Variants in ZNF541 observed in about 807,000 individuals in gnomAD.
ZNF541 encodes zinc finger protein 541.
ZNF541 carries 23 observed loss-of-function variants against 123.5 expected under a neutral mutation model. The observed-to-expected ratio is 0.19, with a 90% confidence interval of 0.13 to 0.26. The LOEUF is 0.26. Ranked by LOEUF, ZNF541 falls within the 10% of genes least tolerant of loss-of-function variation. The pLI, the probability that ZNF541 is intolerant of heterozygous loss-of-function variation, is 1.00. For synonymous variants in ZNF541, 751 were observed against 754.5 expected (o/e 1.00, Z 0.08); for missense variants, 1,612 against 1,789.9 (o/e 0.90, Z 1.79).
intron 12 of ZNF541, among the ~76,000 whole-genome samples, chr19:47,530,834 A>G (rs995953269): frequency 6.6e-6 from 1 of 151,768 alleles, no homozygotes; most frequent in Non-Finnish European, 1.5e-5. Flanking sequence ...TATTTTTAGT[A>G]GAGATGGGGT....
chr19:47,553,562 C>T (rs1392953943), intron 3 of ZNF541, among the ~76,000 whole-genome samples: 2 of 152,126 alleles, frequency 1.3e-5, no homozygotes, highest in Non-Finnish European at 2.9e-5. Flanking sequence ...GCACGTACCA[C>T]CACACCCAGA....
chr19:47,545,986 G>A lies in ZNF541; in HGVS notation c.549-6C>T. On this transcript the variant is annotated splice_region_variant and splice_polypyrimidine_tract_variant and intron_variant, in intron 4 of 16. Transcript: ENST00000391901. This position sits in a 1 kb window ranked among gnomAD's most constrained non-coding sequence, Gnocchi z 7.5. ...GGGTGAGCATGTGCCCGGTCCTGGA[G>A]CCAGACACAAGCAGGGGCGTCACCG... The A allele has an allele frequency of 3.4e-6, 5 of 1,459,220 alleles. No homozygotes were observed. Among genetic ancestry groups the A allele is most frequent in the Non-Finnish European group, 4.6e-6 (5 of 1,098,692 alleles). The allele number at this position is 1,459,220 out of a possible 1,614,324, so 90.4% of individuals were successfully genotyped here.
At chr19:47,540,550 G>A (rs1209032767) in intron 6 of ZNF541, among the ~76,000 whole-genome samples, 5 of 151,052 alleles carry the variant, frequency 3.3e-5, no homozygotes, top group Admixed American at 6.6e-5. Flanking sequence ...AGTGATTTTC[G>A]TGCCTCAGCC....
chr19:47,559,695 TAA>T (rs1970981943), intron 2 of ZNF541, among the ~76,000 whole-genome samples: 1 of 151,742 alleles, frequency 6.6e-6, no homozygotes, highest in African/African-American at 2.4e-5. Flanking sequence ...ACTGAAAATA[TAA>T]AAGTTAGCTG....
chr19:47,562,950 G>A (rs970972140), intron 2 of ZNF541, among the ~76,000 whole-genome samples: 1 of 152,202 alleles, frequency 6.6e-6, no homozygotes. Context: ...AGATGTTAAA[G>A]AAATGCTTCA....
chr19:47,531,584 A>G, intron 12 of ZNF541, 58 bp downstream of exon 12: 7 of 1,352,378 alleles, frequency 5.2e-6, no homozygotes, highest in Middle Eastern at 2.5e-4. Context: ...AGCACGTCAC[A>G]TGCACCTAGA....
intron 2 of ZNF541, among the ~76,000 whole-genome samples, chr19:47,556,891 G>A (rs1568515394): frequency 6.6e-6 from 1 of 151,252 alleles, no homozygotes; most frequent in Non-Finnish European, 1.5e-5. Flanking sequence ...CCAAGTAGCT[G>A]GGACTACAGG....
intron 5 of ZNF541, among the ~76,000 whole-genome samples, chr19:47,541,387 A>T (rs1204779496): frequency 1.3e-5 from 2 of 152,192 alleles, no homozygotes; most frequent in Admixed American, 6.6e-5. Flanking sequence ...ACTTCACTCC[A>T]GCCTGAGTGA....
At chr19:47,533,570 G>A (rs1268523103) in intron 9 of ZNF541, among the ~76,000 whole-genome samples, 1 of 150,794 alleles carries the variant, frequency 6.6e-6, no homozygotes, top group African/African-American at 2.4e-5. Flanking sequence ...AGGCCGGGTG[G>A]GGTGGCTCAC....
chr19:47,529,744 G>A, intron 12 of ZNF541, 92 bp from the exon 13 acceptor site: 2 of 1,238,950 alleles, frequency 1.6e-6, no homozygotes, highest in Non-Finnish European at 2.3e-6. Flanking sequence ...ACTTGCGGCT[G>A]TCCCTGAAGA....
intron 2 of ZNF541, among the ~76,000 whole-genome samples, chr19:47,561,552 T>C (rs1400585121): frequency 6.6e-6 from 1 of 152,132 alleles, no homozygotes; most frequent in Non-Finnish European, 1.5e-5. Context: ...GGCACATGTT[T>C]GGAAAGGACC....
intron 5 of ZNF541, among the ~76,000 whole-genome samples, chr19:47,541,585 A>G (rs1385351014): frequency 1.3e-5 from 2 of 152,248 alleles, no homozygotes; most frequent in African/African-American, 4.8e-5. Flanking sequence ...GATTTTAAAA[A>G]ATAAGCAAAG....
chr19:47,538,503 G>A, intron 8 of ZNF541, 64 bp from the exon 9 acceptor site: 1 of 1,412,494 alleles, frequency 7.1e-7, no homozygotes, highest in Non-Finnish European at 9.3e-7. Context: ...CCATCTCCAG[G>A]ATGGAAAGAG....
chr19:47,538,042 C>T, intron 9 of ZNF541, 100 bp downstream of exon 9: 1 of 1,368,736 alleles, frequency 7.3e-7, no homozygotes, highest in Non-Finnish European at 1.0e-6. Flanking sequence ...TACACCCAGG[C>T]AGGAGACAAT....
At chr19:47,526,733 GT>G (rs553340019) in intron 14 of ZNF541, among the ~76,000 whole-genome samples, 122 of 152,264 alleles carry the variant, frequency 8.0e-4, no homozygotes, top group Non-Finnish European at 1.6e-3. Flanking sequence ...TTTCCTGCCG[GT>G]AGGAATGTGA....
At chr19:47,550,441 AAG>A (rs1220695338) in intron 3 of ZNF541, among the ~76,000 whole-genome samples, 1 of 150,362 alleles carries the variant, frequency 6.7e-6, no homozygotes, top group African/African-American at 2.4e-5. Flanking sequence ...AAGGAAAAGA[AAG>A]AAAGAAAAGA....
At chr19:47,529,479 G>A in intron 13 of ZNF541, 98 bp downstream of exon 13, 1 of 1,270,412 alleles carries the variant, frequency 7.9e-7, no homozygotes. Context: ...AGGTCCCGAG[G>A]AGAACTCCAG....
chr19:47,544,671 C>T lies in ZNF541; in HGVS notation c.1858G>A (p.Ala620Thr), dbSNP rs1450497940. Residue 620 changes from alanine (A) to threonine (T), a missense_variant, in exon 5 of 17, where the codon GCA becomes ACA. Around this residue, in one of 5 missense-constraint regions of ZNF541, gnomAD observed 1,080 missense variants for 1,013.8 expected, o/e 1.07. Coordinates refer to ENST00000391901, the MANE Select transcript of ZNF541 (RefSeq NM_001277075.3). The stretch of plus-strand genomic sequence containing the variant: ...CTCCTGCGGGCTGGGGAGCCCTCTG[C>T]CTCGGGGTTTCCAGGGCCGGCGTGG... Reference protein sequence around the residue: ...SLHAGPGNPEAEGSPARRRKT... With the variant: ...SLHAGPGNPETEGSPARRRKT... The T allele has an allele frequency of 6.5e-6, 10 of 1,534,514 alleles. No individual in the cohort carries two copies. Among genetic ancestry groups the T allele is most frequent in the African/African-American group, 2.7e-5 (2 of 72,754 alleles).
At chr19:47,546,821 A>G (rs1185828317) in intron 4 of ZNF541, among the ~76,000 whole-genome samples, 1 of 152,124 alleles carries the variant, frequency 6.6e-6, no homozygotes, top group Non-Finnish European at 1.5e-5. Context: ...CCCAGGTTCA[A>G]GCGATTCTTG....
Sources: allele counts gnomAD v4.1 joint callset (sites outside exome capture counted in the v4.1 genomes callset), GRCh38; gene constraint gnomAD v4.1.1; regional missense constraint gnomAD v4.1.1; non-coding constraint Gnocchi (gnomAD v3.1); transcripts MANE v1.5; gene names NCBI Gene and HGNC (gene_info 2026-07-23, HGNC 2026-07-21).